LMBR1: variants seen among roughly 807,000 people sequenced by gnomAD.
LMBR1 encodes limb development membrane protein 1, also known as limb region 1 protein homolog.
A neutral mutation model predicts 73.9 loss-of-function variants in LMBR1; 52 were observed. The ratio of observed to expected loss-of-function variants is 0.70; its 90% CI spans 0.56 to 0.89. The LOEUF (loss-of-function observed/expected upper bound fraction) is 0.89, where lower values mean the gene tolerates loss of function less well. Among genes scored for constraint, LMBR1 ranks in the 40% least tolerant of loss-of-function variants. LMBR1 has a pLI of 0.00. For missense variants in LMBR1, 539 were observed against 579.8 expected, an observed-to-expected ratio of 0.93 and a Z score of 0.72; for synonymous variants, 215 against 209.4, an observed-to-expected ratio of 1.03 and a Z score of -0.23.
At chr7:156,706,857 A>C (rs1811040991) in intron 15 of LMBR1, among the ~76,000 whole-genome samples, 1 of 151,956 alleles carries the variant, frequency 6.6e-6, no homozygotes, top group Non-Finnish European at 1.5e-5. Flanking sequence ...AATCAGTAGA[A>C]GAAAAGAAAT....
intron 1 of LMBR1, among the ~76,000 whole-genome samples, chr7:156,870,561 C>T (rs1019788229): frequency 6.6e-5 from 10 of 152,142 alleles, no homozygotes; most frequent in Middle Eastern, 3.4e-3. Flanking sequence ...GTCAGGAGAT[C>T]GAGACCACCC....
chr7:156,892,727 A>AGGGGAGGGGAGAGGAGAGGT (rs1803326296), intron 1 of LMBR1: 11 of 283,276 alleles, frequency 3.9e-5, no homozygotes, highest in Non-Finnish European at 6.7e-5. Flanking sequence ...AGCGAAGGGG[A>AGGGGAGGGGAGAGGAGAGGT]GGGGAGGGGA....
At chr7:156,852,362 A>T (rs2134090331) in intron 1 of LMBR1, among the ~76,000 whole-genome samples, 1 of 151,312 alleles carries the variant, frequency 6.6e-6, no homozygotes, top group East Asian at 1.9e-4. Context: ...TAGAAAAACT[A>T]AAAAAAAATA....
rs1481805700 is a variant in LMBR1 at position 156,680,564 on chromosome 7, G to A, written c.*3514C>T. On this transcript the variant is annotated 3_prime_UTR_variant, in exon 17 of 17. Transcript: ENST00000353442. ...TAAGCTGTCCAGACCACAAGTAGGTGCTGTTCAGTCCTTTTATGGAAAAAA... is the reference window on the plus strand; with the variant it reads ...TAAGCTGTCCAGACCACAAGTAGGTACTGTTCAGTCCTTTTATGGAAAAAA... 1 of 152,754 alleles carries A rather than the reference G, an allele frequency of 6.5e-6. No individual in the cohort carries two copies. Among genetic ancestry groups the A allele is most frequent in the Non-Finnish European group, 1.5e-5 (1 of 68,488 alleles). The allele number at this position is 152,754 out of a possible 1,614,324, so 9.5% of individuals were successfully genotyped here. A position where few individuals can be genotyped will look rare whatever the true frequency, so the allele number is the denominator to read the frequency against.
intron 9 of LMBR1, among the ~76,000 whole-genome samples, chr7:156,751,581 C>T (rs950552964): frequency 6.6e-5 from 10 of 152,188 alleles, no homozygotes; most frequent in African/African-American, 1.7e-4. Context: ...AAGACAGATA[C>T]GCACGGAAGC....
intron 15 of LMBR1, among the ~76,000 whole-genome samples, chr7:156,694,647 T>C (rs1247047965): frequency 6.6e-6 from 1 of 152,148 alleles, no homozygotes; most frequent in Admixed American, 6.5e-5. Context: ...ACATATGCAG[T>C]TGAAATGATC....
In LMBR1 at chr7:156,680,317, C is replaced by A. The variant is rs1369436724; in HGVS notation, c.*3761G>T. The A allele has an allele frequency of 6.6e-6, 1 of 151,824 alleles. No individual in the cohort carries two copies. Among genetic ancestry groups the A allele is most frequent in the Non-Finnish European group, 1.5e-5 (1 of 67,994 alleles). 9.4% of individuals were successfully genotyped at this position (151,824 alleles called of 1,614,324 possible). A position where few individuals can be genotyped will look rare whatever the true frequency, so the allele number is the denominator to read the frequency against. On this transcript the variant is annotated 3_prime_UTR_variant, in exon 17 of 17. Coordinates refer to ENST00000353442, the MANE Select transcript of LMBR1 (RefSeq NM_022458.4). The stretch of plus-strand genomic sequence containing the variant: ...TAATAAAACAGAAGATGCCAGCATG[C>A]ACACTTAGGAAAAACAAGTACTGTC...
At chr7:156,751,792 T>A (rs1303586782) in intron 9 of LMBR1, among the ~76,000 whole-genome samples, 2 of 152,216 alleles carry the variant, frequency 1.3e-5, no homozygotes, top group Non-Finnish European at 2.9e-5. Flanking sequence ...GAAGGGCCGA[T>A]GGCAAAAGCA....
chr7:156,740,553 T>C (rs1279857769), intron 9 of LMBR1, among the ~76,000 whole-genome samples: 3 of 152,162 alleles, frequency 2.0e-5, no homozygotes, highest in Non-Finnish European at 4.4e-5. Flanking sequence ...CAGCAGACTT[T>C]TCAGTGGAAA....
chr7:156,671,211 C>T (rs946768848), intron 4 of LMBR1, among the ~76,000 whole-genome samples: 8 of 152,132 alleles, frequency 5.3e-5, no homozygotes, highest in Non-Finnish European at 1.0e-4. Context: ...AGATGGAAGA[C>T]AGAGCAGGAT....
intron 1 of LMBR1, among the ~76,000 whole-genome samples, chr7:156,886,856 T>C (rs1361468649): frequency 6.6e-5 from 10 of 152,232 alleles, no homozygotes; most frequent in Admixed American, 5.2e-4. Context: ...TTCAGATCTC[T>C]ATTTTAACAT....
At chr7:156,891,745 T>G (rs1012635519) in intron 1 of LMBR1, among the ~76,000 whole-genome samples, 3 of 152,178 alleles carry the variant, frequency 2.0e-5, no homozygotes, top group Non-Finnish European at 4.4e-5. Flanking sequence ...ACATGTATGA[T>G]TACATGAACT....
intron 1 of LMBR1, among the ~76,000 whole-genome samples, chr7:156,871,111 T>C (rs1195014326): frequency 1.3e-5 from 2 of 151,910 alleles, no homozygotes; most frequent in Admixed American, 1.3e-4. Context: ...AAAGAGACAT[T>C]ACAACTGATG....
chr7:156,796,743 T>C (rs1585849660), intron 4 of LMBR1, among the ~76,000 whole-genome samples: 1 of 152,242 alleles, frequency 6.6e-6, no homozygotes, highest in East Asian at 1.9e-4. Flanking sequence ...ACTAAAAATA[T>C]GACGTGTGCA....
intron 4 of LMBR1, among the ~76,000 whole-genome samples, chr7:156,819,679 A>G (rs1025115019): frequency 6.6e-5 from 10 of 152,194 alleles, no homozygotes; most frequent in Admixed American, 5.2e-4. Flanking sequence ...CCGTTCGTGA[A>G]CTTCTGGACA....
intron 5 of LMBR1, among the ~76,000 whole-genome samples, chr7:156,780,833 T>C (rs894036132): frequency 6.6e-5 from 10 of 152,092 alleles, no homozygotes; most frequent in African/African-American, 2.4e-4. Context: ...ACCCCTACCC[T>C]TCACCTCCAC....
chr7:156,806,739 A>G (rs1200100152), intron 4 of LMBR1, among the ~76,000 whole-genome samples: 1 of 150,722 alleles, frequency 6.6e-6, no homozygotes. Flanking sequence ...AGCCTCCCGA[A>G]TAGCTGGGAC....
At chr7:156,761,758 C>G (rs1037446453) in intron 8 of LMBR1, among the ~76,000 whole-genome samples, 1 of 151,952 alleles carries the variant, frequency 6.6e-6, no homozygotes, top group Non-Finnish European at 1.5e-5. Context: ...GGGCAGATAA[C>G]GAGGTCAGGA....
intron 16 of LMBR1, 76 bp from the exon 17 acceptor site, chr7:156,684,239 A>C: frequency 8.9e-7 from 1 of 1,121,762 alleles, no homozygotes; most frequent in Non-Finnish European, 1.4e-6. Context: ...TAGGGAGAAG[A>C]GGAGATTTAC....
Sources: gnomAD v4.1 joint callset for allele counts (sites outside exome capture counted in the v4.1 genomes callset) on GRCh38, gnomAD v4.1.1 for gene constraint, MANE v1.5 for transcripts, NCBI Gene and HGNC (gene_info 2026-07-23, HGNC 2026-07-21) for gene names.